CENPK: variants seen among roughly 807,000 people sequenced by gnomAD.
CENPK encodes SoxLZ/Sox6-binding protein Solt.
A neutral mutation model predicts 40.9 loss-of-function variants in CENPK; 46 were observed. That is an observed-to-expected ratio of 1.13 (90% confidence interval 0.89 to 1.44). CENPK has a LOEUF of 1.44. Ranked by LOEUF, CENPK falls within the 40% of genes most tolerant of loss-of-function variation. The pLI is 0.00. For missense variants in CENPK, 288 were observed against 303.5 expected, an observed-to-expected ratio of 0.95 and a Z score of 0.38; for synonymous variants, 107 against 104.4, an observed-to-expected ratio of 1.02 and a Z score of -0.15.
intron 4 of CENPK, among the ~76,000 whole-genome samples, chr5:65,552,150 G>A (rs983868159): frequency 5.3e-5 from 8 of 151,880 alleles, no homozygotes; most frequent in East Asian, 1.9e-4. Flanking sequence ...TGGTAGCGAC[G>A]GGGTTTTGCC....
At chr5:65,547,178 A>T (rs1749147594) in intron 5 of CENPK, among the ~76,000 whole-genome samples, 1 of 152,144 alleles carries the variant, frequency 6.6e-6, no homozygotes, top group Non-Finnish European at 1.5e-5. Context: ...GGATCACCTG[A>T]GGTCAAGAGT....
At chr5:65,535,784 A>T (rs1580979731) in intron 6 of CENPK, among the ~76,000 whole-genome samples, 1 of 152,190 alleles carries the variant, frequency 6.6e-6, no homozygotes, top group East Asian at 1.9e-4. Context: ...CTATCCCACA[A>T]ATCATTGCAC....
At chr5:65,560,962 A>C (rs1024353293) in intron 2 of CENPK, 1 of 152,188 alleles carries the variant, frequency 6.6e-6, no homozygotes. Flanking sequence ...ACAGGTTTAA[A>C]TCTGTTTTGA....
chr5:65,513,789 GTTC>G (rs1223306009), downstream of CENPK, among the ~76,000 whole-genome samples: 2 of 152,152 alleles, frequency 1.3e-5, no homozygotes, highest in Admixed American at 1.3e-4. Flanking sequence ...CCTTGTTTCT[GTTC>G]TTCAAGGGAA....
At chr5:65,533,431 C>A (rs6897886) in intron 6 of CENPK, among the ~76,000 whole-genome samples, 61,600 of 151,542 alleles carry the variant, frequency 0.41, 12,872 homozygotes, top group East Asian at 0.65. Flanking sequence ...CCGCAATCTG[C>A]TTAAAAGTGT....
In CENPK at chr5:65,519,278, T is replaced by C. The variant is rs147433606; in HGVS notation, c.652-645A>G. ...AACAAGGTTCTGTGATCAAACAAGC[T>C]TGGGAAAGCTAGCTAATGTGGATTG... On this transcript the variant is annotated intron_variant, in intron 10 of 10. Transcript: ENST00000396679. Among the ~76,000 whole-genome samples the C allele has an allele frequency of 1.7e-3, 255 of 152,340 alleles. 2 individuals are homozygous for C. The highest frequency in any genetic ancestry group is 2.7e-3 in the Non-Finnish European group (186 of 68,026).
At chr5:65,549,645 A>T (rs958600682) in intron 5 of CENPK, among the ~76,000 whole-genome samples, 2 of 152,158 alleles carry the variant, frequency 1.3e-5, no homozygotes, top group African/African-American at 4.8e-5. Context: ...TTTTTATGTT[A>T]TGGAGATGGC....
At chr5:65,552,585 C>T (rs3213939) in intron 3 of CENPK, 36 bp from the exon 4 acceptor site, 323,429 of 1,318,860 alleles carry the variant, frequency 0.25, 42,202 homozygotes, top group South Asian at 0.35. Flanking sequence ...AAGTCACACA[C>T]GATAATTCAC....
chr5:65,551,377 AT>A, intron 5 of CENPK, 186 bp downstream of exon 5: 1 of 514,606 alleles, frequency 1.9e-6, no homozygotes. Context: ...CTAATGTAAG[AT>A]ATGTTTATCA....
the CENPK span, among the ~76,000 whole-genome samples, chr5:65,499,647 A>G: frequency 5.0e-5 from 5 of 99,450 alleles, no homozygotes; most frequent in African/African-American, 2.2e-4. Flanking sequence ...CAAAAATATT[A>G]GATCTTTTTT....
At chr5:65,511,039 T>C in the CENPK span, among the ~76,000 whole-genome samples, 1 of 152,276 alleles carries the variant, frequency 6.6e-6, no homozygotes, top group South Asian at 2.1e-4. Context: ...TCTTTATAAA[T>C]TACCCAGTTT....
At chr5:65,547,621 T>C (rs1015711321) in intron 5 of CENPK, among the ~76,000 whole-genome samples, 4 of 151,858 alleles carry the variant, frequency 2.6e-5, no homozygotes, top group East Asian at 1.9e-4. Flanking sequence ...TAAAATTGTA[T>C]AGGAAGAGAA....
the CENPK span, among the ~76,000 whole-genome samples, chr5:65,507,052 T>C: frequency 6.6e-6 from 1 of 152,200 alleles, no homozygotes; most frequent in Non-Finnish European, 1.5e-5. Flanking sequence ...TAGAATAAAT[T>C]AATTCACTTG....
intron 4 of CENPK, among the ~76,000 whole-genome samples, 171 bp downstream of exon 4, chr5:65,552,322 A>G (rs1750224604): frequency 6.6e-6 from 1 of 152,248 alleles, no homozygotes; most frequent in Admixed American, 6.5e-5. Context: ...AGTTTTTAGA[A>G]TATTCTTTCA....
chr5:65,496,680 G>T, the CENPK span, among the ~76,000 whole-genome samples: 1 of 151,976 alleles, frequency 6.6e-6, no homozygotes, highest in South Asian at 2.1e-4. Flanking sequence ...GTTATCTCTG[G>T]GTGGTGGGGT....
At chr5:65,551,930 AC>A (rs1240373184) in intron 4 of CENPK, among the ~76,000 whole-genome samples, 1 of 150,804 alleles carries the variant, frequency 6.6e-6, no homozygotes, top group East Asian at 1.9e-4. Flanking sequence ...TGACTATTAT[AC>A]CTAACACAAA....
downstream of CENPK, among the ~76,000 whole-genome samples, chr5:65,513,372 A>G (rs189761728): frequency 1.7e-3 from 252 of 152,326 alleles, no homozygotes; most frequent in African/African-American, 5.7e-3. Context: ...ATTTCAATGA[A>G]TCCGTAAAGT....
At chr5:65,508,487 A>C in the CENPK span, among the ~76,000 whole-genome samples, 1 of 152,224 alleles carries the variant, frequency 6.6e-6, no homozygotes, top group Non-Finnish European at 1.5e-5. Context: ...ACACGAACAT[A>C]AAAGTTAAAA....
At position 65,528,961 on chromosome 5, in the gene CENPK, T is replaced by C. The variant is rs1451415236; in HGVS notation, c.428A>G (p.His143Arg). Residue 143 changes from histidine (H) to arginine (R), a missense_variant, in exon 8 of 11, where the codon CAC (histidine) becomes CGC (arginine). Coordinates refer to ENST00000396679, the MANE Select transcript of CENPK (RefSeq NM_022145.5). ...TTCAACCTTATTTTTCAATTCACTGTGTAGTACATTAAGAGATTCCATTAT... is the reference window on the plus strand; with the variant it reads ...TTCAACCTTATTTTTCAATTCACTGCGTAGTACATTAAGAGATTCCATTAT... ...QQIMESLNVL[H>R]SELKNKVETF... is the part of the protein sequence containing the mutation. 3.7e-6 allele frequency: 6 copies of C among 1,608,088 alleles called. No individual in the cohort carries two copies. Among genetic ancestry groups the C allele is most frequent in the Non-Finnish European group, 5.1e-6 (6 of 1,176,012 alleles).
Sources: allele counts gnomAD v4.1 joint callset (sites outside exome capture counted in the v4.1 genomes callset), GRCh38; gene constraint gnomAD v4.1.1; transcripts MANE v1.5; gene names NCBI Gene and HGNC (gene_info 2026-07-23, HGNC 2026-07-21).